Variants in CCDC171 observed in about 807,000 individuals in gnomAD.
CCDC171 encodes the protein coiled-coil domain containing 171.
In CCDC171, 177 loss-of-function variants were observed where a neutral mutation model predicts 168.2. The ratio of observed to expected loss-of-function variants is 1.05; its 90% confidence interval spans 0.93 to 1.19. The LOEUF (loss-of-function observed/expected upper bound fraction) is 1.19, where lower values mean the gene tolerates loss of function less well. Among genes scored for constraint, CCDC171 ranks in the 50% most tolerant of loss-of-function variants. The probability of loss-of-function intolerance (pLI) is 0.00; values close to 1 mark genes in which losing one functional copy is unlikely to be tolerated. For missense variants in CCDC171, 1,991 were observed against 1,539.0 expected (o/e 1.29, Z -4.91); for synonymous variants, 687 against 540.8 (o/e 1.27, Z -3.75).
intron 3 of CCDC171, among the ~76,000 whole-genome samples, chr9:16,005,483 C>T (rs948047249): frequency 1.3e-5 from 2 of 152,164 alleles, no homozygotes; most frequent in African/African-American, 4.8e-5. Flanking sequence ...TTTGTGTGAA[C>T]ATATGTTTTC....
At chr9:16,072,726 G>A in the CCDC171 span, among the ~76,000 whole-genome samples, 1 of 151,942 alleles carries the variant, frequency 6.6e-6, no homozygotes. Context: ...CCTCTATCTT[G>A]GTCCTTTCCA....
intron 23 of CCDC171, among the ~76,000 whole-genome samples, chr9:15,864,419 C>T (rs895325107): frequency 2.0e-5 from 3 of 152,016 alleles, no homozygotes; most frequent in East Asian, 1.9e-4. Flanking sequence ...ATTAACTTGT[C>T]ATTTACATTA....
At chr9:15,659,228 T>A (rs1056675383) in intron 8 of CCDC171, among the ~76,000 whole-genome samples, 2 of 152,330 alleles carry the variant, frequency 1.3e-5, no homozygotes, top group South Asian at 4.1e-4. Context: ...CTCAAGCAAC[T>A]GCCGGTAGCT....
chr9:15,686,585 C>T (rs1266895589), intron 10 of CCDC171, among the ~76,000 whole-genome samples: 1 of 151,730 alleles, frequency 6.6e-6, no homozygotes, highest in Non-Finnish European at 1.5e-5. Flanking sequence ...ATATACCATG[C>T]ACCCAATAAA....
At chr9:15,678,440 C>G (rs921814489) in intron 9 of CCDC171, among the ~76,000 whole-genome samples, 4 of 152,068 alleles carry the variant, frequency 2.6e-5, no homozygotes, top group Admixed American at 1.3e-4. Flanking sequence ...GAGATAGTCT[C>G]TGAGCTAATT....
chr9:15,746,764 G>C (rs1240541455), intron 18 of CCDC171, among the ~76,000 whole-genome samples: 1 of 152,178 alleles, frequency 6.6e-6, no homozygotes, highest in Non-Finnish European at 1.5e-5. Context: ...AGTGGGTGCA[G>C]CCCACGGAGG....
At chr9:15,921,808 C>T (rs778488838) in intron 25 of CCDC171, among the ~76,000 whole-genome samples, 1 of 151,168 alleles carries the variant, frequency 6.6e-6, no homozygotes, top group African/African-American at 2.4e-5. Flanking sequence ...TTATTCTAGC[C>T]TTTTTCATAT....
At chr9:15,597,418 T>A (rs1057279797) in intron 6 of CCDC171, among the ~76,000 whole-genome samples, 2 of 152,174 alleles carry the variant, frequency 1.3e-5, no homozygotes, top group Non-Finnish European at 2.9e-5. Context: ...GGTTTTTGTC[T>A]TTGGTTCTGT....
intron 25 of CCDC171, among the ~76,000 whole-genome samples, chr9:15,960,386 G>A (rs995566968): frequency 2.0e-5 from 3 of 152,102 alleles, no homozygotes; most frequent in African/African-American, 7.2e-5. Flanking sequence ...AAAAATAAAT[G>A]AATAGAGCTA....
At chr9:16,073,669 T>C in the CCDC171 span, among the ~76,000 whole-genome samples, 1 of 152,216 alleles carries the variant, frequency 6.6e-6, no homozygotes. Flanking sequence ...CTAGTGGCAC[T>C]GTTGGGTGGC....
At chr9:15,960,444 A>G (rs1830229931) in intron 25 of CCDC171, among the ~76,000 whole-genome samples, 1 of 152,214 alleles carries the variant, frequency 6.6e-6, no homozygotes, top group African/African-American at 2.4e-5. Flanking sequence ...TTTATGCATT[A>G]TGCAAGCATA....
chr9:15,778,455 A>G (rs1484210455), intron 19 of CCDC171, among the ~76,000 whole-genome samples: 1 of 150,666 alleles, frequency 6.6e-6, no homozygotes, highest in Non-Finnish European at 1.5e-5. Flanking sequence ...CCTGGCCAAC[A>G]TGGTGAAACC....
intron 6 of CCDC171, among the ~76,000 whole-genome samples, chr9:15,619,483 A>G (rs372867262): frequency 3.9e-5 from 6 of 152,332 alleles, no homozygotes; most frequent in African/African-American, 1.4e-4. Context: ...TCAAAGCCTA[A>G]TTTAGAACAA....
chr9:15,988,263 C>A (rs1832061319), intron 3 of CCDC171, among the ~76,000 whole-genome samples: 1 of 151,914 alleles, frequency 6.6e-6, no homozygotes, highest in Admixed American at 6.5e-5. Flanking sequence ...GGCTACTGTA[C>A]ACTGTATTTT....
intron 6 of CCDC171, among the ~76,000 whole-genome samples, chr9:15,601,543 A>G (rs571233122): frequency 6.6e-6 from 1 of 152,328 alleles, no homozygotes; most frequent in East Asian, 1.9e-4. Flanking sequence ...TTCTCTAAGT[A>G]CTTACTGAGT....
At chr9:15,556,231 A>G (rs1444011305) in intron 1 of CCDC171, among the ~76,000 whole-genome samples, 1 of 152,096 alleles carries the variant, frequency 6.6e-6, no homozygotes, top group Non-Finnish European at 1.5e-5. Context: ...TTTGTGGGTA[A>G]CCTGACCTTT....
At position 15,666,306 on chromosome 9, in the gene CCDC171, C is replaced by G. The variant is rs777476917; in HGVS notation, c.1059C>G (p.Ser353Arg). The G allele has an allele frequency of 2.5e-6, 4 of 1,605,538 alleles. No homozygotes were observed. The highest frequency in any genetic ancestry group is 2.2e-5 in the East Asian group (1 of 44,768). ...GAGAAAAGCATAATGCACAAGAGAG[C>G]TTTGCAAAACTAAATTTGTAAGTAT... is the stretch of plus-strand genomic sequence containing the variant. Reference protein sequence around the residue: ...YEREKHNAQESFAKLNLLEKE... With the variant: ...YEREKHNAQERFAKLNLLEKE... Residue 353 changes from serine to arginine, a missense_variant, in exon 9 of 26, where the codon AGC (serine) becomes AGG (arginine). Transcript: ENST00000380701.
intron 7 of CCDC171, among the ~76,000 whole-genome samples, chr9:15,630,008 G>A (rs1048836829): frequency 3.1e-4 from 47 of 152,220 alleles, no homozygotes; most frequent in South Asian, 2.3e-3. Flanking sequence ...GGCCTGCCCT[G>A]CAAGAGCTCC....
intron 12 of CCDC171, among the ~76,000 whole-genome samples, chr9:15,722,615 C>T (rs2053557300): frequency 2.0e-5 from 3 of 152,164 alleles, no homozygotes. Flanking sequence ...GAGTCAAAGA[C>T]AAGTCACATA....
Sources: gnomAD v4.1 joint callset for allele counts (sites outside exome capture counted in the v4.1 genomes callset) on GRCh38, gnomAD v4.1.1 for gene constraint, MANE v1.5 for transcripts, NCBI Gene and HGNC (gene_info 2026-07-23, HGNC 2026-07-21) for gene names.